The following PCOLCE2 variants were observed in gnomAD, a reference collection of about 807,000 sequenced individuals.
PCOLCE2 encodes the protein procollagen C-endopeptidase enhancer 2, also known as procollagen C-proteinase enhancer 2.
PCOLCE2 carries 42 observed loss-of-function variants against 47.0 expected under a neutral mutation model. That is an observed-to-expected ratio of 0.89 (90% CI 0.70 to 1.16). The LOEUF is 1.16. PCOLCE2 is among the 50% of genes most tolerant of loss of function. The pLI is 0.00. For synonymous variants in PCOLCE2, 169 were observed against 191.7 expected (o/e 0.88, Z 0.98); for missense variants, 500 against 526.1 (o/e 0.95, Z 0.49).
intron 2 of PCOLCE2, among the ~76,000 whole-genome samples, chr3:142,886,774 A>C (rs1933724403): frequency 6.6e-6 from 1 of 152,216 alleles, no homozygotes; most frequent in South Asian, 2.1e-4. Flanking sequence ...TTTCTCATAC[A>C]GTTGTTTTGA....
Position 142,838,923 on chromosome 3 carries a change from A to G in PCOLCE2, c.574-17T>C, listed in dbSNP as rs1352581145. On this transcript the variant is annotated splice_polypyrimidine_tract_variant and intron_variant, in intron 4 of 8. Transcript: ENST00000295992. ...TTCTATAAGCTTTAGAGAAAGCACAATAGAAGTGTCAAATATTAATAGCAT... is the reference window on the plus strand; with the variant it reads ...TTCTATAAGCTTTAGAGAAAGCACAGTAGAAGTGTCAAATATTAATAGCAT... The G allele has an allele frequency of 1.3e-6, 2 of 1,596,358 alleles. No individual in the cohort carries two copies. The highest frequency in any genetic ancestry group is 1.7e-6 in the Non-Finnish European group (2 of 1,164,280).
intron 2 of PCOLCE2, among the ~76,000 whole-genome samples, chr3:142,876,985 C>G (rs58534009): frequency 0.022 from 3,276 of 152,230 alleles, 108 homozygotes; most frequent in African/African-American, 0.075. Flanking sequence ...CTGTCTGGCT[C>G]CAGAAATTAC....
At chr3:142,836,653 G>GTAATTGGAAATTACTTTTTAAAGTAAA (rs1436977690) in intron 5 of PCOLCE2, among the ~76,000 whole-genome samples, 1 of 152,072 alleles carries the variant, frequency 6.6e-6, no homozygotes, top group Non-Finnish European at 1.5e-5. Context: ...ACTTTTTAAA[G>GTAATTGGAAATTACTTTTTAAAGTAAA]GTATTTGGAT....
intron 2 of PCOLCE2, among the ~76,000 whole-genome samples, chr3:142,849,206 T>C (rs1937364104): frequency 2.0e-5 from 3 of 152,164 alleles, no homozygotes; most frequent in African/African-American, 4.8e-5. Flanking sequence ...ATTCAATGCC[T>C]GTGTATAGAA....
intron 2 of PCOLCE2, among the ~76,000 whole-genome samples, chr3:142,856,578 G>A (rs1933064307): frequency 6.6e-6 from 1 of 152,174 alleles, no homozygotes; most frequent in African/African-American, 2.4e-5. Context: ...AAGGCAAATG[G>A]GAAAAACGTG....
chr3:142,859,129 C>G (rs1039398116), intron 2 of PCOLCE2, among the ~76,000 whole-genome samples: 1 of 151,450 alleles, frequency 6.6e-6, no homozygotes, highest in African/African-American at 2.4e-5. Context: ...GTGGCATGAT[C>G]TCAGCTCATT....
intron 5 of PCOLCE2, among the ~76,000 whole-genome samples, chr3:142,833,353 TG>T (rs1231581859): frequency 6.6e-6 from 1 of 151,986 alleles, no homozygotes; most frequent in Non-Finnish European, 1.5e-5. Flanking sequence ...CGACATTAAT[TG>T]TTTTGTATTT....
chr3:142,838,757 A>G lies in PCOLCE2; in HGVS notation c.710+13T>C. ...CCATAAAACTATTAAAGACATAAAT[A>G]GGTGCTACTTACGCAGGTGGACTAT... On this transcript the variant is annotated intron_variant, in intron 5 of 8. Coordinates refer to ENST00000295992, the MANE Select transcript of PCOLCE2 (RefSeq NM_013363.4). The G allele has an allele frequency of 6.2e-7, 1 of 1,610,260 alleles. No homozygotes were observed. The highest frequency in any genetic ancestry group is 8.5e-7 in the Non-Finnish European group (1 of 1,176,908).
chr3:142,847,031 G>A (rs958036021), intron 3 of PCOLCE2, among the ~76,000 whole-genome samples: 4 of 152,134 alleles, frequency 2.6e-5, no homozygotes, highest in African/African-American at 9.7e-5. Flanking sequence ...ACTACAGACT[G>A]GACATTATGC....
Position 142,888,980 on chromosome 3 carries a change from C to CGCCCACACTGGCAGCAGCGCTG in PCOLCE2, c.-85_-84insCAGCGCTGCTGCCAGTGTGGGC. 1.9e-6 allele frequency: 1 copy of CGCCCACACTGGCAGCAGCGCTG among 514,054 alleles called. No homozygotes were observed. Among genetic ancestry groups the CGCCCACACTGGCAGCAGCGCTG allele is most frequent in the Non-Finnish European group, 3.2e-6 (1 of 316,242 alleles). 31.8% of individuals were successfully genotyped at this position (514,054 alleles called of 1,614,324 possible). ...TCCGCACCCACCGCGCTCACACCGC[C>CGCCCACACTGGCAGCAGCGCTG]GCTCACACTGGCAGCAGCGCTGGCT... On this transcript the variant is annotated 5_prime_UTR_variant, in exon 1 of 9. Transcript: ENST00000295992.
chr3:142,836,048 CTG>C (rs1366233298), intron 5 of PCOLCE2, among the ~76,000 whole-genome samples: 1 of 152,206 alleles, frequency 6.6e-6, no homozygotes, highest in African/African-American at 2.4e-5. Context: ...AAGTTAAAAA[CTG>C]TATTTCTACT....
At chr3:142,873,770 T>C (rs868447917) in intron 2 of PCOLCE2, among the ~76,000 whole-genome samples, 2 of 152,190 alleles carry the variant, frequency 1.3e-5, no homozygotes, top group African/African-American at 4.8e-5. Context: ...GACTGACTGA[T>C]AGTCACTCAA....
At chr3:142,868,885 G>A (rs1345938795) in intron 2 of PCOLCE2, among the ~76,000 whole-genome samples, 2 of 152,130 alleles carry the variant, frequency 1.3e-5, no homozygotes, top group African/African-American at 2.4e-5. Flanking sequence ...TTTTATATTC[G>A]AATGCTATTT....
At chr3:142,827,039 A>G (rs1308582949) in intron 6 of PCOLCE2, 7 of 899,014 alleles carry the variant, frequency 7.8e-6, no homozygotes, top group Non-Finnish European at 5.3e-6. Context: ...CTATCTATAT[A>G]TTGATGACTC....
In PCOLCE2 at chr3:142,889,010, C is replaced by CTGGCAGCAG; in HGVS notation, c.-115_-114insCTGCTGCCA. On this transcript the variant is annotated 5_prime_UTR_variant, in exon 1 of 9. Coordinates refer to ENST00000295992, the MANE Select transcript of PCOLCE2 (RefSeq NM_013363.4). The stretch of plus-strand genomic sequence containing the variant: ...ACACTGGCAGCAGCGCTGGCTCACA[C>CTGGCAGCAG]CGGCGCTCGGCTGCCCGCGCGCTCC... The CTGGCAGCAG allele has an allele frequency of 2.2e-6, 1 of 460,122 alleles. No homozygotes were observed. 28.5% of individuals were successfully genotyped at this position (460,122 alleles called of 1,614,324 possible).
chr3:142,862,366 T>A (rs1032947074), intron 2 of PCOLCE2, among the ~76,000 whole-genome samples: 10 of 152,142 alleles, frequency 6.6e-5, no homozygotes, highest in Non-Finnish European at 1.0e-4. Context: ...GAGTGTTCGT[T>A]CTCTCTCTTC....
intron 2 of PCOLCE2, among the ~76,000 whole-genome samples, chr3:142,885,204 T>C (rs1413448512): frequency 2.0e-5 from 3 of 152,210 alleles, no homozygotes; most frequent in Non-Finnish European, 4.4e-5. Flanking sequence ...TGATAGAGTT[T>C]AATGAAAACC....
chr3:142,883,708 A>AC (rs1933669531), intron 2 of PCOLCE2, among the ~76,000 whole-genome samples: 4 of 145,618 alleles, frequency 2.7e-5, no homozygotes, highest in African/African-American at 9.8e-5. Flanking sequence ...TTAAAAAAAA[A>AC]AAAAACACAT....
At chr3:142,858,902 T>C (rs899601421) in intron 2 of PCOLCE2, among the ~76,000 whole-genome samples, 5 of 152,116 alleles carry the variant, frequency 3.3e-5, no homozygotes, top group African/African-American at 1.2e-4. Context: ...ATCCAGAAGA[T>C]AGACATGATA....
Sources: allele counts gnomAD v4.1 joint callset (sites outside exome capture counted in the v4.1 genomes callset), GRCh38; gene constraint gnomAD v4.1.1; transcripts MANE v1.5; gene names NCBI Gene and HGNC (gene_info 2026-07-23, HGNC 2026-07-21).